Variants in PROM2 observed in about 807,000 individuals in gnomAD.
PROM2 encodes prominin 2.
A neutral mutation model predicts 110.2 loss-of-function variants in PROM2; 90 were observed. The ratio of observed to expected loss-of-function variants is 0.82; its 90% CI spans 0.69 to 0.97. The LOEUF is 0.97. Ranked by LOEUF, PROM2 falls within the 50% of genes least tolerant of loss-of-function variation. The pLI, the probability that PROM2 is intolerant of heterozygous loss-of-function variation, is 0.00. For synonymous variants in PROM2, 470 were observed against 467.8 expected (o/e 1.00, Z -0.06); for missense variants, 1,009 against 1,074.8 (o/e 0.94, Z 0.86).
intron 14 of PROM2, among the ~76,000 whole-genome samples, chr2:95,282,464 G>A (rs372514745): frequency 6.6e-6 from 1 of 152,180 alleles, no homozygotes; most frequent in South Asian, 2.1e-4. Flanking sequence ...CAAGGTGGCA[G>A]CAGGAAAGGC....
Position 95,276,294 on chromosome 2 carries a change from G to A in PROM2, c.565G>A (p.Ala189Thr). ...TGAACAGATGGGCCCCAGCATCGAG[G>A]CCATGCCTGAGACCCTGCTCAGCCT... Reference protein sequence around the residue: ...THEQMGPSIEAMPETLLSLWG... With the variant: ...THEQMGPSIETMPETLLSLWG... The change falls in exon 4 of 24, where the codon GCC (alanine) becomes ACC (threonine). Residue 189 changes from alanine to threonine, a missense_variant. Physicochemically the swap from Ala to Thr is moderately conservative, Grantham distance 58. Transcript: ENST00000317620. The surrounding 1 kb of genome is among the most constrained non-coding windows in gnomAD (Gnocchi z 4.6). 1 of 1,613,884 alleles carries A rather than the reference G, an allele frequency of 6.2e-7. No individual in the cohort carries two copies. Among genetic ancestry groups the A allele is most frequent in the Admixed American group, 1.7e-5 (1 of 60,016 alleles).
At position 95,286,786 on chromosome 2, in the gene PROM2, C is replaced by G; in HGVS notation, c.2041-18C>G. The G allele has an allele frequency of 1.9e-6, 3 of 1,612,970 alleles. No homozygotes were observed. The highest frequency in any genetic ancestry group is 2.5e-6 in the Non-Finnish European group (3 of 1,179,776). ...TTCCCTTGCACTCCCCTAACCAGCC[C>G]TGATCTCTTCTCCACAGGCAAAGCT... On this transcript the variant is annotated intron_variant, in intron 17 of 23. Transcript: ENST00000317620.
chr2:95,278,629 G>C (rs1316866355), intron 8 of PROM2, 92 bp from the exon 9 acceptor site: 238 of 1,422,170 alleles, frequency 1.7e-4, no homozygotes, highest in Non-Finnish European at 2.3e-4. Context: ...GCACTGAGGG[G>C]GGCCCTCCCT....
At position 95,285,665 on chromosome 2, in the gene PROM2, C is replaced by T. The variant is rs1322968537; in HGVS notation, c.1902C>T (p.Ser634=). ...TCCAGAGGCCCGTGGTGAAGACCAG[C>T]ATGGAGCAGCTGGCCCAGGAGCTGC... is the stretch of plus-strand genomic sequence containing the variant. The part of the protein sequence containing the change: ...VQIQRPVVKT[S]MEQLAQELQG... Residue 634 remains serine (S), a synonymous_variant, in exon 16 of 24, where the codon AGC becomes AGT. Coordinates refer to ENST00000317620, the MANE Select transcript of PROM2 (RefSeq NM_001165978.3). The T allele has an allele frequency of 1.2e-6, 2 of 1,604,456 alleles. No individual in the cohort carries two copies. Among genetic ancestry groups the T allele is most frequent in the African/African-American group, 2.7e-5 (2 of 74,872 alleles).
At chr2:95,281,772 C>G (rs965420233) in intron 12 of PROM2, among the ~76,000 whole-genome samples, 153 bp from the exon 13 acceptor site, 5 of 152,060 alleles carry the variant, frequency 3.3e-5, no homozygotes, top group African/African-American at 1.2e-4. Context: ...CAGGGGTCAC[C>G]AGAGTTAGAG....
In PROM2 at chr2:95,288,567, C is replaced by A; in HGVS notation, c.2419C>A (p.Arg807Ser). 6.2e-7 allele frequency: 1 copy of A among 1,614,118 alleles called. No individual in the cohort carries two copies. Among genetic ancestry groups the A allele is most frequent in the Non-Finnish European group, 8.5e-7 (1 of 1,179,988 alleles). ...TGCCGTCAAGACCTCCAAATACTTCCGTCCTATCCGGAAACGCCTCAGGTG... is the reference window on the plus strand; with the variant it reads ...TGCCGTCAAGACCTCCAAATACTTCAGTCCTATCCGGAAACGCCTCAGGTG... ...IFAVKTSKYF[R>S]PIRKRLSSTS... Residue 807 changes from arginine (R) to serine (S), a missense_variant, in exon 22 of 24, where the codon CGT (arginine) becomes AGT (serine). Arg to Ser is a moderately radical substitution (Grantham distance 110, BLOSUM62 -1). Transcript: ENST00000317620.
At chr2:95,283,828 G>T (rs1240116845) in intron 14 of PROM2, among the ~76,000 whole-genome samples, 1 of 151,950 alleles carries the variant, frequency 6.6e-6, no homozygotes, top group African/African-American at 2.4e-5. Context: ...TAACAAACTT[G>T]TCTCCTGCCC....
At chr2:95,283,546 C>T (rs1273243005) in intron 14 of PROM2, among the ~76,000 whole-genome samples, 2 of 152,224 alleles carry the variant, frequency 1.3e-5, no homozygotes, top group Non-Finnish European at 2.9e-5. Context: ...GGCCCCCACC[C>T]GAGAGGGCCA....
chr2:95,281,939 AG>A lies in PROM2; in HGVS notation c.1569del (p.Asn524ThrfsTer6). 3 of 1,613,924 alleles carry A rather than the reference AG, an allele frequency of 1.9e-6. No individual in the cohort carries two copies. Among genetic ancestry groups the A allele is most frequent in the Non-Finnish European group, 2.5e-6 (3 of 1,179,920 alleles). On this transcript the variant is annotated frameshift_variant, in exon 13 of 24. Coordinates refer to ENST00000317620, the MANE Select transcript of PROM2 (RefSeq NM_001165978.3). LOFTEE classifies it high-confidence loss of function. The stretch of plus-strand genomic sequence containing the variant: ...CCCATCCCCAGTTTGCAGACACCCC[AG>A]GGAACCTGCCCCCGTCCATGAACCT... ...GELFEFADTP[G>X]NLPPSMNLSQ...
At position 95,274,534 on chromosome 2, in the gene PROM2, C is replaced by T; in HGVS notation, c.-52C>T. 2.0e-6 allele frequency: 3 copies of T among 1,512,574 alleles called. No individual in the cohort carries two copies. The highest frequency in any genetic ancestry group is 2.1e-5 in the Admixed American group (1 of 47,104). 93.7% of individuals were successfully genotyped at this position (1,512,574 alleles called of 1,614,324 possible). A position where few individuals can be genotyped will look rare whatever the true frequency, so the allele number is the denominator to read the frequency against. ...GGCTGGAGAAGGATGTATGGCCTGCCCTGGGCTTGTCTGTTCCCTCCTGAG... is the reference window on the plus strand; with the variant it reads ...GGCTGGAGAAGGATGTATGGCCTGCTCTGGGCTTGTCTGTTCCCTCCTGAG... On this transcript the variant is annotated 5_prime_UTR_variant, in exon 1 of 24. Transcript: ENST00000317620.
At chr2:95,286,881 A>G (rs940641388) in intron 18 of PROM2, 24 bp downstream of exon 18, 1 of 1,611,886 alleles carries the variant, frequency 6.2e-7, no homozygotes. Flanking sequence ...GTGGGGACGT[A>G]TGGTGGAGCA....
At chr2:95,277,096 C>A in intron 6 of PROM2, 35 bp downstream of exon 6, 1 of 1,527,022 alleles carries the variant, frequency 6.5e-7, no homozygotes, top group Non-Finnish European at 8.8e-7. Context: ...AGTGTGGAGC[C>A]CAGCGGGTGT....
At position 95,287,150 on chromosome 2, in the gene PROM2, C is replaced by A; in HGVS notation, c.2112C>A (p.Val704=). 6.2e-7 allele frequency: 1 copy of A among 1,613,964 alleles called. No individual in the cohort carries two copies. The highest frequency in any genetic ancestry group is 8.5e-7 in the Non-Finnish European group (1 of 1,179,996). The part of the protein sequence containing the change: ...APNLQLETSD[V]LANVTYLKGE... ...CCCTCCAGCTGGAGACCTCAGATGT[C>A]CTAGCCAATGTCACCTACCTGAAAG... The change falls in exon 19 of 24, where the codon GTC becomes GTA. Residue 704 remains valine, a synonymous_variant. Coordinates refer to ENST00000317620, the MANE Select transcript of PROM2 (RefSeq NM_001165978.3).
rs113933504 is a variant in PROM2, at chr2:95,288,770, C to A, written c.2442-163C>A. On this transcript the variant is annotated intron_variant, in intron 22 of 23. Coordinates refer to ENST00000317620, the MANE Select transcript of PROM2 (RefSeq NM_001165978.3). Reference sequence around the variant, plus strand: ...AGGAAGTTCTCCCGTATGTCTGCCCCTTACCCTTCTTGCTGCATCCATTTG... The same window carrying A: ...AGGAAGTTCTCCCGTATGTCTGCCCATTACCCTTCTTGCTGCATCCATTTG... Among the ~76,000 whole-genome samples the A allele has an allele frequency of 4.6e-3, 706 of 152,374 alleles. 8 individuals carry two copies. Among genetic ancestry groups the A allele is most frequent in the African/African-American group, 0.016 (683 of 41,588 alleles).
Position 95,281,337 on chromosome 2 carries a change from A to G in PROM2, c.1523A>G (p.Gln508Arg), listed in dbSNP as rs12992066. The G allele has an allele frequency of 0.76, 1,226,149 of 1,612,326 alleles. 468,082 individuals are homozygous for G. The highest frequency in any genetic ancestry group is 0.88 in the African/African-American group (65,654 of 74,928). ...GGCAACGTGCAGACGCTGGTGTGCC[A>G]GAGCTGGGAGAACGGCGAGCTCTTT... ...VGGNVQTLVC[Q>R]SWENGELFEF... Residue 508 changes from glutamine to arginine, a missense_variant, in exon 12 of 24, where the codon CAG becomes CGG. Physicochemically the swap from Gln to Arg is conservative, Grantham distance 43. Coordinates refer to ENST00000317620, the MANE Select transcript of PROM2 (RefSeq NM_001165978.3).
At position 95,281,958 on chromosome 2, in the gene PROM2, A is replaced by G. The variant is rs1677075600; in HGVS notation, c.1585A>G (p.Met529Val). 2 of 1,614,068 alleles carry G rather than the reference A, an allele frequency of 1.2e-6. No homozygotes were observed. Among genetic ancestry groups the G allele is most frequent in the East Asian group, 4.5e-5 (2 of 44,858 alleles). The change falls in exon 13 of 24, where the codon ATG becomes GTG. Residue 529 changes from methionine to valine, a missense_variant. Met to Val is a conservative substitution (Grantham distance 21). Coordinates refer to ENST00000317620, the MANE Select transcript of PROM2 (RefSeq NM_001165978.3). The part of the protein sequence containing the change: ...ADTPGNLPPS[M>V]NLSQLLGLRK... ...CACCCCAGGGAACCTGCCCCCGTCC[A>G]TGAACCTGTCGCAACTTCTTGGCCT...
At chr2:95,284,332 A>G (rs1677216594) in intron 14 of PROM2, among the ~76,000 whole-genome samples, 1 of 151,892 alleles carries the variant, frequency 6.6e-6, no homozygotes, top group African/African-American at 2.4e-5. Context: ...CTCCTCTACA[A>G]TTTTTTTTAA....
rs770578741 is a variant in PROM2, at chr2:95,287,415, C to T, written c.2195C>T (p.Ala732Val). 1 of 1,614,076 alleles carries T rather than the reference C, an allele frequency of 6.2e-7. No homozygotes were observed. Among genetic ancestry groups the T allele is most frequent in the African/African-American group, 1.3e-5 (1 of 75,024 alleles). Residue 732 changes from alanine to valine, a missense_variant, in exon 20 of 24, where the codon GCC (alanine) becomes GTC (valine). By Grantham distance (64) the Ala-to-Val change is moderately conservative. Transcript: ENST00000317620. ...ILRNVSECFL[A>V]REMGYFSQYV... The stretch of plus-strand genomic sequence containing the variant: ...CTGCAGGTGAGTGAGTGTTTCCTGG[C>T]CCGGGAGATGGGCTACTTCTCCCAG...
chr2:95,275,886 G>A lies in PROM2; in HGVS notation c.295-44G>A, dbSNP rs1342780382. ...GGACTCAGGCAGAAGCCAGGGCTGG[G>A]CAGTGGGGGTCGGGTCACCCCTCAT... On this transcript the variant is annotated intron_variant, in intron 2 of 23. Coordinates refer to ENST00000317620, the MANE Select transcript of PROM2 (RefSeq NM_001165978.3). The surrounding 1 kb of genome is among the most constrained non-coding windows in gnomAD (Gnocchi z 4.4). The A allele has an allele frequency of 6.4e-7, 1 of 1,573,302 alleles. No homozygotes were observed. Among genetic ancestry groups the A allele is most frequent in the Middle Eastern group, 1.7e-4 (1 of 5,894 alleles).
Sources: gnomAD v4.1 joint callset for allele counts (sites outside exome capture counted in the v4.1 genomes callset) on GRCh38, gnomAD v4.1.1 for gene constraint, Gnocchi (gnomAD v3.1) non-coding constraint, MANE v1.5 for transcripts, NCBI Gene and HGNC (gene_info 2026-07-23, HGNC 2026-07-21) for gene names.